CACNB3: variants seen among roughly 807,000 people sequenced by gnomAD.
CACNB3 encodes the protein calcium voltage-gated channel auxiliary subunit beta 3, also known as voltage-dependent L-type calcium channel subunit beta-3.
CACNB3 carries 36 observed loss-of-function variants against 63.7 expected under a neutral mutation model. The ratio of observed to expected loss-of-function variants is 0.57; its 90% CI spans 0.43 to 0.75. The LOEUF (loss-of-function observed/expected upper bound fraction) is 0.75, where lower values mean the gene tolerates loss of function less well. CACNB3 is among the 30% of genes least tolerant of loss of function. The pLI, the probability that CACNB3 is intolerant of heterozygous loss-of-function variation, is 0.00. For missense variants in CACNB3, 493 were observed against 648.6 expected (o/e 0.76, Z 2.61); for synonymous variants, 241 against 250.6 (o/e 0.96, Z 0.36).
chr12:48,822,578 G>A (rs1481213816), intron 1 of CACNB3, among the ~76,000 whole-genome samples: 2 of 152,232 alleles, frequency 1.3e-5, no homozygotes, highest in African/African-American at 4.8e-5. Context: ...AGTGGTAGGT[G>A]TGGCCCAGCC....
chr12:48,818,334 C>A (rs894277198), upstream of CACNB3: 2 of 402,548 alleles, frequency 5.0e-6, no homozygotes, highest in Admixed American at 6.4e-5. The surrounding 1 kb of genome is among the most constrained non-coding windows in gnomAD (Gnocchi z 4.3). Flanking sequence ...AGTCTCCGCC[C>A]GGGTCGCGTC....
At position 48,823,578 on chromosome 12, in the gene CACNB3, G is replaced by A; in HGVS notation, c.169-103G>A. 1.9e-6 allele frequency: 3 copies of A among 1,600,440 alleles called. No homozygotes were observed. The highest frequency in any genetic ancestry group is 2.3e-5 in the South Asian group (2 of 88,688). On this transcript the variant is annotated intron_variant, in intron 2 of 12. Coordinates refer to ENST00000301050, the MANE Select transcript of CACNB3 (RefSeq NM_000725.4). The surrounding 1 kb of genome is among the most constrained non-coding windows in gnomAD (Gnocchi z 4.2). ...AGGATGTCCTTGAGTGTGAGAGGGT[G>A]TGTGTGATGGGCAGAGGCCACGGCC...
chr12:48,825,165 G>A lies in CACNB3; in HGVS notation c.495G>A (p.Ala165=), dbSNP rs997014681. ...PSLAKQKQKQ[A]EHVPPYDVVP... is the part of the protein sequence containing the mutation. ...CTGACCTCATGTCCATTCTGCAGGCGGAACATGTTCCCCCATATGACGTGG... is the reference window on the plus strand; with the variant it reads ...CTGACCTCATGTCCATTCTGCAGGCAGAACATGTTCCCCCATATGACGTGG... The change falls in exon 7 of 13, where the codon GCG becomes GCA. Residue 165 remains alanine, a splice_region_variant and synonymous_variant. Coordinates refer to ENST00000301050, the MANE Select transcript of CACNB3 (RefSeq NM_000725.4). This position sits in a 1 kb window ranked among gnomAD's most constrained non-coding sequence, Gnocchi z 4.5. 22 of 1,613,914 alleles carry A rather than the reference G, an allele frequency of 1.4e-5. No individual in the cohort carries two copies. The highest frequency in any genetic ancestry group is 2.2e-5 in the East Asian group (1 of 44,850).
rs773918902 is a variant in CACNB3, at chr12:48,824,282, G to T, written c.316G>T (p.Gly106Trp). The T allele has an allele frequency of 3.7e-6, 6 of 1,613,054 alleles. No individual in the cohort carries two copies. The highest frequency in any genetic ancestry group is 1.7e-5 in the Admixed American group (1 of 59,902). ...KEKYSNDWWI[G>W]RLVKEGGDIA... is the part of the protein sequence containing the mutation. ...GAAGTACAGCAATGACTGGTGGATC[G>T]GGCGGCTAGTGAAAGAGGGCGGGGA... is the stretch of plus-strand genomic sequence containing the variant. Residue 106 changes from glycine to tryptophan, a missense_variant, in exon 4 of 13, where the codon GGG becomes TGG. Gly to Trp is a radical substitution (Grantham distance 184). Transcript: ENST00000301050.
chr12:48,820,916 G>A (rs377003500), intron 1 of CACNB3: 4 of 152,184 alleles, frequency 2.6e-5, no homozygotes, highest in Non-Finnish European at 4.4e-5. Flanking sequence ...GGCCGCCAGC[G>A]GTGCCTCACA....
chr12:48,815,495 G>A, upstream of CACNB3: 1 of 1,281,456 alleles, frequency 7.8e-7, no homozygotes, highest in Non-Finnish European at 1.0e-6. Flanking sequence ...GGAAGGGAGA[G>A]GGAGGGAGGG....
chr12:48,816,566 T>C (rs1047755845), upstream of CACNB3, among the ~76,000 whole-genome samples: 6 of 152,064 alleles, frequency 3.9e-5, no homozygotes, highest in East Asian at 1.9e-4. Flanking sequence ...CCCAGAGATA[T>C]GAGAAGAAGG....
upstream of CACNB3, among the ~76,000 whole-genome samples, chr12:48,817,677 G>A (rs1425491321): frequency 2.6e-5 from 4 of 152,156 alleles, no homozygotes; most frequent in Non-Finnish European, 4.4e-5. Flanking sequence ...GTGCAGAGTG[G>A]TACAAGCCCT....
rs752840438 is a variant in CACNB3 at position 48,826,359 on chromosome 12, C to T, written c.743-8C>T. ...CCTGGTGAGCACTGCTGCTGCCTCC[C>T]TCCATAGCGGAAGTGCAGAGTGAGA... On this transcript the variant is annotated splice_region_variant and splice_polypyrimidine_tract_variant and intron_variant, in intron 9 of 12. Transcript: ENST00000301050. The surrounding 1 kb of genome is among the most constrained non-coding windows in gnomAD (Gnocchi z 4.8). 3 of 1,613,966 alleles carry T rather than the reference C, an allele frequency of 1.9e-6. No individual in the cohort carries two copies. The East Asian group carries it at 6.7e-5, about 36-fold the overall frequency.
At chr12:48,822,184 A>T (rs914015047) in intron 1 of CACNB3, among the ~76,000 whole-genome samples, 7 of 152,122 alleles carry the variant, frequency 4.6e-5, no homozygotes, top group Non-Finnish European at 1.5e-5. Flanking sequence ...TGCCACTGGC[A>T]TCTCAGAATT....
upstream of CACNB3, among the ~76,000 whole-genome samples, chr12:48,816,368 C>G (rs546388985): frequency 6.6e-6 from 1 of 152,210 alleles, no homozygotes; most frequent in Non-Finnish European, 1.5e-5. Flanking sequence ...GCAGGAGGAG[C>G]CTCTCCCCTG....
At position 48,828,159 on chromosome 12, in the gene CACNB3, C is replaced by T; in HGVS notation, c.*260C>T. On this transcript the variant is annotated 3_prime_UTR_variant, in exon 13 of 13. Coordinates refer to ENST00000301050, the MANE Select transcript of CACNB3 (RefSeq NM_000725.4). ...TGTTCTGCACCCCTGGCACCTTCCTCTCCTCCCACACAGGAAGCTGCCCCA... is the reference window on the plus strand; with the variant it reads ...TGTTCTGCACCCCTGGCACCTTCCTTTCCTCCCACACAGGAAGCTGCCCCA... The T allele has an allele frequency of 5.5e-6, 3 of 542,456 alleles. No homozygotes were observed. Among genetic ancestry groups the T allele is most frequent in the Non-Finnish European group, 6.7e-6 (2 of 300,166 alleles). The allele number at this position is 542,456 out of a possible 1,614,324, so 33.6% of individuals were successfully genotyped here. A position where few individuals can be genotyped will look rare whatever the true frequency, so the allele number is the denominator to read the frequency against.
At position 48,826,514 on chromosome 12, in the gene CACNB3, C is replaced by T. The variant is rs1938146590; in HGVS notation, c.890C>T (p.Pro297Leu). The part of the protein sequence containing the change: ...PIIVFVKVSS[P>L]KVLQRLIRSR... The stretch of plus-strand genomic sequence containing the variant: ...ATCGTCTTTGTCAAAGTGTCCTCAC[C>T]AAAGGTAAGTCAGCTGGGCTCATGG... The change falls in exon 10 of 13, where the codon CCA (proline) becomes CTA (leucine). Residue 297 changes from proline (P) to leucine (L), a missense_variant. By Grantham distance (98) the Pro-to-Leu change is moderately conservative. Transcript: ENST00000301050. This position sits in a 1 kb window ranked among gnomAD's most constrained non-coding sequence, Gnocchi z 4.8. The T allele has an allele frequency of 6.2e-7, 1 of 1,613,768 alleles. No homozygotes were observed. Among genetic ancestry groups the T allele is most frequent in the African/African-American group, 1.3e-5 (1 of 74,916 alleles).
At chr12:48,819,081 C>T in intron 1 of CACNB3, 107 bp downstream of exon 1, 1 of 1,265,544 alleles carries the variant, frequency 7.9e-7, no homozygotes. Flanking sequence ...AGTGGCAGGG[C>T]AGGGTTTGTA....
chr12:48,817,451 TG>T (rs1194380508), upstream of CACNB3: 1 of 152,238 alleles, frequency 6.6e-6, no homozygotes, highest in Non-Finnish European at 1.5e-5. Flanking sequence ...GCCAAGAGCA[TG>T]GGCACCAGGA....
rs369316408 is a variant in CACNB3 at position 48,826,927 on chromosome 12, C to T, written c.991-47C>T. 1.2e-5 allele frequency: 19 copies of T among 1,612,884 alleles called. No homozygotes were observed. The African/African-American group carries it at 2.3e-4, about 19-fold the overall frequency. On this transcript the variant is annotated intron_variant, in intron 11 of 12. Coordinates refer to ENST00000301050, the MANE Select transcript of CACNB3 (RefSeq NM_000725.4). This position sits in a 1 kb window ranked among gnomAD's most constrained non-coding sequence, Gnocchi z 4.8. Reference sequence around the variant, plus strand: ...GGCAGTGATAGAGATGGGTGGGGGGCTGCTACTGAGGGGAAACCAACGTTG... The same window carrying T: ...GGCAGTGATAGAGATGGGTGGGGGGTTGCTACTGAGGGGAAACCAACGTTG...
At position 48,823,653 on chromosome 12, in the gene CACNB3, C is replaced by T. The variant is rs1937971323; in HGVS notation, c.169-28C>T. ...GGAAGGGGTGCTTCGAGCCTTCTCT[C>T]ACTTGCACTAATGGGCAAATTCTCC... On this transcript the variant is annotated intron_variant, in intron 2 of 12. Transcript: ENST00000301050. The surrounding 1 kb of genome is among the most constrained non-coding windows in gnomAD (Gnocchi z 4.2). The T allele has an allele frequency of 6.2e-7, 1 of 1,614,026 alleles. No individual in the cohort carries two copies. Among genetic ancestry groups the T allele is most frequent in the Middle Eastern group, 1.7e-4 (1 of 6,056 alleles).
chr12:48,823,669 CA>C lies in CACNB3; in HGVS notation c.169-9del, dbSNP rs1467742180. On this transcript the variant is annotated splice_polypyrimidine_tract_variant and intron_variant, in intron 2 of 12. Coordinates refer to ENST00000301050, the MANE Select transcript of CACNB3 (RefSeq NM_000725.4). This position sits in a 1 kb window ranked among gnomAD's most constrained non-coding sequence, Gnocchi z 4.2. ...GCCTTCTCTCACTTGCACTAATGGGCAAATTCTCCAGCACAAACCTGTGGCA... is the reference window on the plus strand; with the variant it reads ...GCCTTCTCTCACTTGCACTAATGGGCAATTCTCCAGCACAAACCTGTGGCA... 1 of 1,613,940 alleles carries C rather than the reference CA, an allele frequency of 6.2e-7. No individual in the cohort carries two copies. The highest frequency in any genetic ancestry group is 8.5e-7 in the Non-Finnish European group (1 of 1,179,990).
At chr12:48,816,788 A>T, upstream of CACNB3, 1 of 952,844 alleles carries the variant, frequency 1.0e-6, no homozygotes, top group Non-Finnish European at 1.2e-6. Flanking sequence ...CTGTGGGTGG[A>T]GAGAGTCCCA....
Sources: allele counts gnomAD v4.1 joint callset (sites outside exome capture counted in the v4.1 genomes callset), GRCh38; gene constraint gnomAD v4.1.1; non-coding constraint Gnocchi (gnomAD v3.1); transcripts MANE v1.5; gene names NCBI Gene and HGNC (gene_info 2026-07-23, HGNC 2026-07-21).